EIF2B1: variants seen among roughly 807,000 people sequenced by gnomAD.
EIF2B1 encodes translation initiation factor eIF2B subunit alpha.
In EIF2B1, 30 loss-of-function variants were observed where a neutral mutation model predicts 36.8. The observed-to-expected ratio is 0.81, with a 90% CI of 0.61 to 1.10. The LOEUF (loss-of-function observed/expected upper bound fraction) is 1.10. Ranked by LOEUF, EIF2B1 falls within the 50% of genes least tolerant of loss-of-function variation. The pLI is 0.00. For synonymous variants in EIF2B1, 139 were observed against 142.2 expected (o/e 0.98, Z 0.16); for missense variants, 271 against 374.8 (o/e 0.72, Z 2.29).
At position 123,624,812 on chromosome 12, in the gene EIF2B1, A is replaced by G. The variant is rs768777106; in HGVS notation, c.602T>C (p.Val201Ala). 6.8e-6 allele frequency: 11 copies of G among 1,614,106 alleles called. No homozygotes were observed. In the Admixed American group the frequency reaches 1.5e-4, roughly 22 times the overall value. Residue 201 changes from valine to alanine, a missense_variant, in exon 7 of 9, where the codon GTT becomes GCT. By Grantham distance (64) the Val-to-Ala change is moderately conservative. Transcript: ENST00000424014. ...DLVIVGAEGV[V>A]ENGGIINKIG... The stretch of plus-strand genomic sequence containing the variant: ...CTTGTTAATAATTCCTCCGTTTTCA[A>G]CAACTCCTTCAGCACCAACTATGAC...
chr12:123,626,441 G>C lies in EIF2B1; in HGVS notation c.535C>G (p.Leu179Val), dbSNP rs980145753. ...CHLNVPVTVV[L>V]DAAVGYIMEK... The stretch of plus-strand genomic sequence containing the variant: ...GGCACTCACCCGACAGCAGCATCTA[G>C]CACCACAGTGACAGGGACGTTGAGG... The change falls in exon 6 of 9, where the codon CTA (leucine) becomes GTA (valine). Residue 179 changes from leucine (L) to valine (V), a missense_variant. Leu to Val is a conservative substitution (Grantham distance 32, BLOSUM62 1). Coordinates refer to ENST00000424014, the MANE Select transcript of EIF2B1 (RefSeq NM_001414.4). 1 of 1,614,036 alleles carries C rather than the reference G, an allele frequency of 6.2e-7. No homozygotes were observed. Among genetic ancestry groups the C allele is most frequent in the African/African-American group, 1.3e-5 (1 of 74,934 alleles).
Position 123,631,739 on chromosome 12 carries a change from G to A in EIF2B1, c.115+606C>T, listed in dbSNP as rs536416117. Among the ~76,000 whole-genome samples the A allele has an allele frequency of 1.1e-4, 16 of 152,032 alleles. 1 individual carries two copies. The East Asian group carries it at 2.7e-3, about 26-fold the overall frequency. ...GGAGAATGGCATGAACCTGGGAAGC[G>A]GAGCCTGCAGTGAGCCAAGATGGCA... On this transcript the variant is annotated intron_variant, in intron 2 of 8. Transcript: ENST00000424014.
chr12:123,628,722 C>G (rs1210427086), intron 4 of EIF2B1, among the ~76,000 whole-genome samples: 8 of 152,082 alleles, frequency 5.3e-5, no homozygotes, highest in Admixed American at 5.2e-4. Context: ...GGGGGCAGAA[C>G]CAGCTCTCTA....
intron 7 of EIF2B1, 58 bp downstream of exon 7, chr12:123,624,729 G>C: frequency 7.0e-7 from 1 of 1,429,572 alleles, no homozygotes; most frequent in Non-Finnish European, 9.9e-7. Flanking sequence ...TGGTGTCCTA[G>C]GTCAGCAAGA....
chr12:123,622,843 G>A, intron 7 of EIF2B1, 82 bp from the exon 8 acceptor site: 2 of 1,594,388 alleles, frequency 1.3e-6, no homozygotes, highest in African/African-American at 1.3e-5. Flanking sequence ...GGGCACAGTG[G>A]TGCATGCCTG....
chr12:123,631,823 A>T (rs1462843299), intron 2 of EIF2B1, among the ~76,000 whole-genome samples: 13 of 132,902 alleles, frequency 9.8e-5, no homozygotes, highest in East Asian at 2.0e-4. Flanking sequence ...AAAAAAAAAA[A>T]TTTTGCCAGG....
rs1405751955 is a variant in EIF2B1 at position 123,621,078 on chromosome 12, ATT to A, written c.*676_*677del. The A allele has an allele frequency of 6.5e-6, 1 of 154,430 alleles. No individual in the cohort carries two copies. Among genetic ancestry groups the A allele is most frequent in the African/African-American group, 2.4e-5 (1 of 41,464 alleles). 9.6% of individuals were successfully genotyped at this position (154,430 alleles called of 1,614,324 possible). A position where few individuals can be genotyped will look rare whatever the true frequency, so the allele number is the denominator to read the frequency against. The stretch of plus-strand genomic sequence containing the variant: ...GATGCTGAATTTATTCCCAAGTATA[ATT>A]TTAAAAAGCTGTTTAGGACCCAAAC... On this transcript the variant is annotated 3_prime_UTR_variant, in exon 9 of 9. Transcript: ENST00000424014.
intron 2 of EIF2B1, among the ~76,000 whole-genome samples, chr12:123,631,583 C>T (rs549184375): frequency 2.5e-3 from 380 of 151,964 alleles, no homozygotes; most frequent in African/African-American, 8.1e-3. Context: ...CCGACATGGG[C>T]GGATCACGAG....
Position 123,630,045 on chromosome 12 carries a change from C to T in EIF2B1, c.369+124G>A. ...TTATTTAACAGATGAGAAAGCTGCACAGACAGGTTAAGTTACTTGTTCAAG... is the reference window on the plus strand; with the variant it reads ...TTATTTAACAGATGAGAAAGCTGCATAGACAGGTTAAGTTACTTGTTCAAG... On this transcript the variant is annotated intron_variant, in intron 4 of 8. Coordinates refer to ENST00000424014, the MANE Select transcript of EIF2B1 (RefSeq NM_001414.4). The surrounding 1 kb of genome is among the most constrained non-coding windows in gnomAD (Gnocchi z 4.6). 1.2e-6 allele frequency: 1 copy of T among 841,198 alleles called. No individual in the cohort carries two copies. The highest frequency in any genetic ancestry group is 2.0e-6 in the Non-Finnish European group (1 of 489,588). The allele number at this position is 841,198 out of a possible 1,614,324, so 52.1% of individuals were successfully genotyped here. A position where few individuals can be genotyped will look rare whatever the true frequency, so the allele number is the denominator to read the frequency against.
rs952014194 is a variant in EIF2B1 at position 123,632,287 on chromosome 12, A to G, written c.115+58T>C. ...CGTCTCTTTAAAAAAAAAAAAAAAG[A>G]AAAGAAAAAAAAGACTATCCTAAGT... is the stretch of plus-strand genomic sequence containing the variant. On this transcript the variant is annotated intron_variant, in intron 2 of 8. Coordinates refer to ENST00000424014, the MANE Select transcript of EIF2B1 (RefSeq NM_001414.4). 493 of 1,166,156 alleles carry G rather than the reference A, an allele frequency of 4.2e-4. 6 individuals carry two copies. In the South Asian group the frequency reaches 5.6e-3, roughly 13 times the overall value. The allele number at this position is 1,166,156 out of a possible 1,614,324, so 72.2% of individuals were successfully genotyped here. A position where few individuals can be genotyped will look rare whatever the true frequency, so the allele number is the denominator to read the frequency against.
chr12:123,624,718 G>A (rs1192845754), intron 7 of EIF2B1, 69 bp downstream of exon 7: 1 of 1,288,682 alleles, frequency 7.8e-7, no homozygotes, highest in African/African-American at 1.5e-5. Flanking sequence ...CAACACTGCT[G>A]TGGTGTCCTA....
At position 123,633,665 on chromosome 12, in the gene EIF2B1, C is replaced by CTCCGCACCCCACTTCCGGCGCACT; in HGVS notation, c.-109_-108insAGTGCGCCGGAAGTGGGGTGCGGA. The stretch of plus-strand genomic sequence containing the variant: ...GCCAGTCTGACAGCGCGCTGCACAC[C>CTCCGCACCCCACTTCCGGCGCACT]TCCGCACCCCACTTCCGGCGCACTT... On this transcript the variant is annotated 5_prime_UTR_variant, in exon 1 of 9. Transcript: ENST00000424014. The CTCCGCACCCCACTTCCGGCGCACT allele has an allele frequency of 6.5e-7, 1 of 1,538,660 alleles. No individual in the cohort carries two copies.
At chr12:123,624,685 G>A in intron 7 of EIF2B1, 102 bp downstream of exon 7, 1 of 1,000,572 alleles carries the variant, frequency 1.0e-6, no homozygotes, top group South Asian at 1.3e-5. Context: ...CTGAAGTGAA[G>A]CAGGATTAGA....
At chr12:123,631,339 A>G (rs1466744389) in intron 2 of EIF2B1, among the ~76,000 whole-genome samples, 1 of 152,178 alleles carries the variant, frequency 6.6e-6, no homozygotes, top group Non-Finnish European at 1.5e-5. Flanking sequence ...TATGCAGGCA[A>G]ACATGCATCT....
intron 7 of EIF2B1, among the ~76,000 whole-genome samples, chr12:123,623,332 G>A (rs1328817969): frequency 2.0e-5 from 3 of 152,120 alleles, no homozygotes; most frequent in Non-Finnish European, 2.9e-5. Context: ...GTTGCAGTGA[G>A]CCAAGACTGT....
intron 2 of EIF2B1, 54 bp downstream of exon 2, chr12:123,632,284 AAGAAAAG>A: frequency 3.7e-6 from 4 of 1,082,892 alleles, no homozygotes; most frequent in Middle Eastern, 2.1e-4. Context: ...AAAAAAAAAA[AAGAAAAG>A]AAAAAAAAGA....
chr12:123,621,834 TAAGG>T lies in EIF2B1; in HGVS notation c.836_839del (p.Ser279Ter), dbSNP rs1249956139. On this transcript the variant is annotated frameshift_variant, in exon 9 of 9. Coordinates refer to ENST00000424014, the MANE Select transcript of EIF2B1 (RefSeq NM_001414.4). LOFTEE classifies it high-confidence loss of function. ...CCAGGTCTGTAAACAGCAGAGTGATTAAGGAAGGGGCAGTGTAGTCGACCCACGG... is the reference window on the plus strand; with the variant it reads ...CCAGGTCTGTAAACAGCAGAGTGATTAAGGGGCAGTGTAGTCGACCCACGG... 2 of 1,614,050 alleles carry T rather than the reference TAAGG, an allele frequency of 1.2e-6. No individual in the cohort carries two copies. Among genetic ancestry groups the T allele is most frequent in the Admixed American group, 1.7e-5 (1 of 60,030 alleles).
rs1035582102 is a variant in EIF2B1, at chr12:123,621,385, C to T, written c.*371G>A. The stretch of plus-strand genomic sequence containing the variant: ...CATTTGTGGCAGAGGGGTGTGGCTG[C>T]TTTTCGCCTGCATCTCGCGTGCTTT... On this transcript the variant is annotated 3_prime_UTR_variant, in exon 9 of 9. Coordinates refer to ENST00000424014, the MANE Select transcript of EIF2B1 (RefSeq NM_001414.4). 2 of 343,466 alleles carry T rather than the reference C, an allele frequency of 5.8e-6. No individual in the cohort carries two copies. The highest frequency in any genetic ancestry group is 2.3e-5 in the South Asian group (1 of 43,018). 21.3% of individuals were successfully genotyped at this position (343,466 alleles called of 1,614,324 possible).
chr12:123,633,462 G>A (rs1469086785), intron 1 of EIF2B1, 83 bp downstream of exon 1: 7 of 1,584,654 alleles, frequency 4.4e-6, no homozygotes, highest in East Asian at 4.5e-5. Flanking sequence ...ATCTCTTCGG[G>A]AGCTCAGCCT....
Sources: gnomAD v4.1 joint callset for allele counts (sites outside exome capture counted in the v4.1 genomes callset) on GRCh38, gnomAD v4.1.1 for gene constraint, Gnocchi (gnomAD v3.1) non-coding constraint, MANE v1.5 for transcripts, NCBI Gene and HGNC (gene_info 2026-07-23, HGNC 2026-07-21) for gene names.